Variants in LGR6 observed in about 807,000 individuals in gnomAD.
The protein encoded by LGR6 is leucine-rich repeat-containing G protein-coupled receptor 6.
Under a neutral mutation model 69.4 loss-of-function variants are expected in LGR6, and 45 were observed. The observed-to-expected ratio is 0.65, with a 90% CI of 0.51 to 0.83. The LOEUF is 0.83. Among genes scored for constraint, LGR6 ranks in the 40% least tolerant of loss-of-function variants. The pLI is 0.00. For missense variants in LGR6, 1,108 were observed against 1,246.7 expected, an observed-to-expected ratio of 0.89 and a Z score of 1.68; for synonymous variants, 538 against 555.0, an observed-to-expected ratio of 0.97 and a Z score of 0.43.
At chr1:202,275,973 A>G (rs1369058082) in intron 4 of LGR6, among the ~76,000 whole-genome samples, 1 of 152,150 alleles carries the variant, frequency 6.6e-6, no homozygotes, top group Admixed American at 6.5e-5. Flanking sequence ...ATTCATAGAA[A>G]CATATGGTGT....
chr1:202,200,217 C>T (rs372817774), intron 1 of LGR6, among the ~76,000 whole-genome samples: 5 of 152,344 alleles, frequency 3.3e-5, no homozygotes, highest in East Asian at 1.9e-4. Flanking sequence ...CTAAGCCTGC[C>T]GCCTGGTGGG....
chr1:202,216,616 G>GAA (rs1263491537), intron 1 of LGR6, among the ~76,000 whole-genome samples: 13 of 151,440 alleles, frequency 8.6e-5, no homozygotes, highest in Admixed American at 3.3e-4. Flanking sequence ...GTCTTGCGTT[G>GAA]TCTCTCAGAG....
Position 202,306,872 on chromosome 1 carries a change from C to G in LGR6, c.1141C>G (p.Leu381Val). Residue 381 changes from leucine (L) to valine (V), a missense_variant, in exon 13 of 18, where the codon CTC becomes GTC. Transcript: ENST00000367278. ...CAGCCTCTCTTGCTGCCCTAGCGGC[C>G]TCCAACACAACCGCATCTGGGAAAT... ...HRCQKLEEIGLQHNRIWEIGA... is the reference protein window; with the variant it reads ...HRCQKLEEIGVQHNRIWEIGA... 6.2e-7 allele frequency: 1 copy of G among 1,614,092 alleles called. No homozygotes were observed. The highest frequency in any genetic ancestry group is 8.5e-7 in the Non-Finnish European group (1 of 1,179,974).
intron 4 of LGR6, among the ~76,000 whole-genome samples, chr1:202,259,110 G>A (rs1316441278): frequency 6.6e-6 from 1 of 151,918 alleles, no homozygotes; most frequent in African/African-American, 2.4e-5. Flanking sequence ...GTATTCTTTG[G>A]ATAATCCCAT....
chr1:202,196,715 TATC>T (rs1487592456), intron 1 of LGR6, among the ~76,000 whole-genome samples: 1 of 152,190 alleles, frequency 6.6e-6, no homozygotes, highest in African/African-American at 2.4e-5. Context: ...TGGCTAGTAT[TATC>T]ATGCCTCCTA....
intron 4 of LGR6, among the ~76,000 whole-genome samples, chr1:202,253,300 T>C (rs891905747): frequency 6.6e-6 from 1 of 151,816 alleles, no homozygotes; most frequent in Non-Finnish European, 1.5e-5. Context: ...CTGATGGTCC[T>C]AATACTCTTT....
At chr1:202,306,755 C>A (rs1451692357) in intron 12 of LGR6, 113 bp from the exon 13 acceptor site, 2 of 971,148 alleles carry the variant, frequency 2.1e-6, no homozygotes, top group African/African-American at 3.2e-5. Context: ...GCCCTTTCTT[C>A]CTGTGCCAGG....
chr1:202,250,670 CTGGGATTACAGAAGT>C (rs1663157850), intron 4 of LGR6, among the ~76,000 whole-genome samples: 1 of 152,150 alleles, frequency 6.6e-6, no homozygotes, highest in South Asian at 2.1e-4. Flanking sequence ...TCCTACAGTG[CTGGGATTACAGAAGT>C]GAGCCACCAC....
intron 4 of LGR6, among the ~76,000 whole-genome samples, chr1:202,273,616 C>A (rs546450009): frequency 2.0e-4 from 31 of 152,098 alleles, no homozygotes; most frequent in Non-Finnish European, 3.8e-4. Flanking sequence ...TGCAACCATG[C>A]CCGGCTAATT....
chr1:202,263,607 G>A (rs1214096010), intron 4 of LGR6, among the ~76,000 whole-genome samples: 2 of 152,152 alleles, frequency 1.3e-5, no homozygotes, highest in Non-Finnish European at 2.9e-5. Context: ...TGTGGGTGTG[G>A]TGGGTACTTG....
At chr1:202,198,605 G>A (rs2147886777) in intron 1 of LGR6, among the ~76,000 whole-genome samples, 1 of 152,054 alleles carries the variant, frequency 6.6e-6, no homozygotes, top group East Asian at 1.9e-4. Context: ...TGGGGGCTGT[G>A]AGAGCTGCAA....
At chr1:202,204,528 C>T (rs1658995005) in intron 1 of LGR6, among the ~76,000 whole-genome samples, 9 of 142,946 alleles carry the variant, frequency 6.3e-5, no homozygotes, top group Non-Finnish European at 9.2e-5. Context: ...CCTCCAAACA[C>T]ACACACCTCC....
At position 202,319,230 on chromosome 1, in the gene LGR6, T is replaced by TA; in HGVS notation, c.*23_*24insA. 6.5e-7 allele frequency: 1 copy of TA among 1,535,972 alleles called. No individual in the cohort carries two copies. Among genetic ancestry groups the TA allele is most frequent in the Non-Finnish European group, 8.7e-7 (1 of 1,143,060 alleles). On this transcript the variant is annotated 3_prime_UTR_variant, in exon 18 of 18. Coordinates refer to ENST00000367278, the MANE Select transcript of LGR6 (RefSeq NM_001017403.2). The stretch of plus-strand genomic sequence containing the variant: ...TAAATATCCCTCCCCATTCTTCTCT[T>TA]CCCCTCTCTTCCCTTTCCTCTCTCC...
chr1:202,290,475 T>C (rs1666716987), intron 6 of LGR6, among the ~76,000 whole-genome samples: 1 of 152,166 alleles, frequency 6.6e-6, no homozygotes, highest in African/African-American at 2.4e-5. Flanking sequence ...GTGTAGAATA[T>C]AGGAAAGTGT....
chr1:202,317,860 G>A, intron 17 of LGR6, 92 bp from the exon 18 acceptor site: 1 of 1,288,818 alleles, frequency 7.8e-7, no homozygotes, highest in Non-Finnish European at 1.1e-6. Flanking sequence ...CCTTTTGATT[G>A]GAAATTCTCT....
Position 202,319,200 on chromosome 1 carries a change from A to G in LGR6, c.2897A>G (p.His966Arg), listed in dbSNP as rs1166822616. The change falls in exon 18 of 18, where the codon CAC (histidine) becomes CGC (arginine). Residue 966 changes from histidine (H) to arginine (R), a missense_variant. By Grantham distance (29) the His-to-Arg change is conservative. Transcript: ENST00000367278. ...CCCTCTGGCTTGGCCTTTGCTTCAC[A>G]CGTGTAAATATCCCTCCCCATTCTT... Reference protein sequence around the residue: ...FQPSGLAFASHV With the variant: ...FQPSGLAFASRV 1.3e-6 allele frequency: 2 copies of G among 1,591,418 alleles called. No individual in the cohort carries two copies. The highest frequency in any genetic ancestry group is 1.3e-5 in the African/African-American group (1 of 74,230).
At chr1:202,198,267 G>C (rs1407053601) in intron 1 of LGR6, among the ~76,000 whole-genome samples, 3 of 152,224 alleles carry the variant, frequency 2.0e-5, no homozygotes, top group Admixed American at 6.5e-5. Flanking sequence ...ACAAAGCAGA[G>C]TTCAAGCTAT....
chr1:202,211,047 G>A (rs1558007744), intron 1 of LGR6, among the ~76,000 whole-genome samples: 1 of 152,236 alleles, frequency 6.6e-6, no homozygotes, highest in African/African-American at 2.4e-5. Context: ...CAGTGGGAAG[G>A]AATGTGTCTC....
intron 1 of LGR6, among the ~76,000 whole-genome samples, chr1:202,210,023 G>A (rs1258665327): frequency 2.0e-5 from 3 of 152,220 alleles, no homozygotes; most frequent in South Asian, 4.1e-4. Context: ...ATGTGGTGAA[G>A]AAATGGGTTC....
Sources: gnomAD v4.1 joint callset for allele counts (sites outside exome capture counted in the v4.1 genomes callset) on GRCh38, gnomAD v4.1.1 for gene constraint, MANE v1.5 for transcripts, NCBI Gene and HGNC (gene_info 2026-07-23, HGNC 2026-07-21) for gene names.